NET1: variants seen among roughly 807,000 people sequenced by gnomAD.
The protein encoded by NET1 is neuroepithelial cell-transforming gene 1 protein.
NET1 carries 42 observed loss-of-function variants against 61.1 expected under a neutral mutation model. The observed-to-expected ratio is 0.69, with a 90% CI of 0.54 to 0.89. The LOEUF (loss-of-function observed/expected upper bound fraction) is 0.89, where lower values mean the gene tolerates loss of function less well. NET1 is among the 40% of genes least tolerant of loss of function. The probability of loss-of-function intolerance (pLI) is 0.00; values close to 1 mark genes in which losing one functional copy is unlikely to be tolerated. For synonymous variants in NET1, 254 were observed against 281.8 expected, an observed-to-expected ratio of 0.90 and a Z score of 0.99; for missense variants, 654 against 747.3, an observed-to-expected ratio of 0.88 and a Z score of 1.46.
rs117239363 is a variant in NET1 at position 5,440,879 on chromosome 10, G to A, written c.256-10951G>A. The stretch of plus-strand genomic sequence containing the variant: ...TTATCACCATTTTACTAGTGAGTGA[G>A]TCTGTTTCAGAGTCCCATCCTGTGT... On this transcript the variant is annotated intron_variant, in intron 3 of 11. Coordinates refer to ENST00000355029, the MANE Select transcript of NET1 (RefSeq NM_001047160.3). The surrounding 1 kb of genome is among the most constrained non-coding windows in gnomAD (Gnocchi z 4.1). 6.5e-3 allele frequency among the ~76,000 whole-genome samples: 996 copies of A among 152,268 alleles called. 36 individuals carry two copies. The East Asian group carries it at 0.11, about 16-fold the overall frequency.
rs1002966998 is a variant in NET1 at position 5,417,191 on chromosome 10, G to A, written c.128+4371G>A. Among the ~76,000 whole-genome samples the A allele has an allele frequency of 6.6e-5, 10 of 152,090 alleles. No homozygotes were observed. Among genetic ancestry groups the A allele is most frequent in the East Asian group, 3.9e-4 (2 of 5,132 alleles). On this transcript the variant is annotated intron_variant, in intron 1 of 11. Transcript: ENST00000355029. The surrounding 1 kb of genome is among the most constrained non-coding windows in gnomAD (Gnocchi z 5.5). ...TGCCAGCGTGCTGGTGTACTCCCAC[G>A]TCGATGTGTTCCTCTTGACATCCAG...
intron 3 of NET1, among the ~76,000 whole-genome samples, chr10:5,434,928 A>G (rs2119187033): frequency 6.6e-6 from 1 of 152,046 alleles, no homozygotes; most frequent in South Asian, 2.1e-4. Flanking sequence ...TACAAAATTT[A>G]TTTGCATTGC....
rs1211328682 is a variant in NET1 at position 5,416,238 on chromosome 10, T to G, written c.128+3418T>G. Among the ~76,000 whole-genome samples, 1 of 152,208 alleles carries G rather than the reference T, an allele frequency of 6.6e-6. No homozygotes were observed. The highest frequency in any genetic ancestry group is 1.5e-5 in the Non-Finnish European group (1 of 68,038). On this transcript the variant is annotated intron_variant, in intron 1 of 11. Transcript: ENST00000355029. The surrounding 1 kb of genome is among the most constrained non-coding windows in gnomAD (Gnocchi z 6.1). ...TTTATTTTTAGACTTTGACTTTTAT[T>G]CTCTTGATCTATATGTAATAGCCCT...
Position 5,454,549 on chromosome 10 carries a change from T to C in NET1, c.1026+27T>C, listed in dbSNP as rs1204271245. 1 of 1,594,264 alleles carries C rather than the reference T, an allele frequency of 6.3e-7. No individual in the cohort carries two copies. The highest frequency in any genetic ancestry group is 1.4e-5 in the African/African-American group (1 of 73,514). The stretch of plus-strand genomic sequence containing the variant: ...TAAGTAGTCCCTTAAGTGATTGTTT[T>C]GTTTTTTAAGTTTATACATTAGGCT... On this transcript the variant is annotated intron_variant, in intron 9 of 11. Coordinates refer to ENST00000355029, the MANE Select transcript of NET1 (RefSeq NM_001047160.3). This position sits in a 1 kb window ranked among gnomAD's most constrained non-coding sequence, Gnocchi z 8.1.
chr10:5,438,633 C>T (rs1333675408), intron 3 of NET1, among the ~76,000 whole-genome samples: 2 of 152,162 alleles, frequency 1.3e-5, no homozygotes, highest in African/African-American at 2.4e-5. Flanking sequence ...AATAAGATGG[C>T]TTTACTGGTA....
At position 5,451,868 on chromosome 10, in the gene NET1, C is replaced by G; in HGVS notation, c.294C>G (p.Val98=). ...AAAGAGTTCGACCTCTGGCTCGTGTCACGTCCTTGGCAAATTTAATCTCTC... is the reference window on the plus strand; with the variant it reads ...AAAGAGTTCGACCTCTGGCTCGTGTGACGTCCTTGGCAAATTTAATCTCTC... ...SNKRVRPLAR[V]TSLANLISPV... Residue 98 remains valine (V), a synonymous_variant, in exon 4 of 12, where the codon GTC becomes GTG. Transcript: ENST00000355029. This position sits in a 1 kb window ranked among gnomAD's most constrained non-coding sequence, Gnocchi z 6.1. 1 of 1,613,980 alleles carries G rather than the reference C, an allele frequency of 6.2e-7. No individual in the cohort carries two copies. The highest frequency in any genetic ancestry group is 8.5e-7 in the Non-Finnish European group (1 of 1,179,928).
intron 3 of NET1, among the ~76,000 whole-genome samples, 181 bp downstream of exon 3, chr10:5,429,410 T>G (rs1375598006): frequency 2.0e-5 from 3 of 152,212 alleles, no homozygotes; most frequent in African/African-American, 7.2e-5. Flanking sequence ...CTATTCTACT[T>G]CTTTGTTAAG....
At position 5,454,097 on chromosome 10, in the gene NET1, T is replaced by TCA. The variant is rs1832755822; in HGVS notation, c.769-168_769-167insCA. Among the ~76,000 whole-genome samples the TCA allele has an allele frequency of 6.6e-6, 1 of 152,216 alleles. No homozygotes were observed. Among genetic ancestry groups the TCA allele is most frequent in the Non-Finnish European group, 1.5e-5 (1 of 68,028 alleles). On this transcript the variant is annotated intron_variant, in intron 8 of 11. Coordinates refer to ENST00000355029, the MANE Select transcript of NET1 (RefSeq NM_001047160.3). This position sits in a 1 kb window ranked among gnomAD's most constrained non-coding sequence, Gnocchi z 8.1. ...TATGAAAATTTGAAGAGCATTTTGA[T>TCA]GATTGCTAAAATGCTATTCAGCTTC...
chr10:5,440,396 A>G lies in NET1; in HGVS notation c.255+11167A>G, dbSNP rs1832506621. On this transcript the variant is annotated intron_variant, in intron 3 of 11. Coordinates refer to ENST00000355029, the MANE Select transcript of NET1 (RefSeq NM_001047160.3). This position sits in a 1 kb window ranked among gnomAD's most constrained non-coding sequence, Gnocchi z 4.1. ...AGATGATTTGTTGGTCTGCTCCAGT[A>G]GACTCTACATCTTGCACAACAGTTG... 6.6e-6 allele frequency among the ~76,000 whole-genome samples: 1 copy of G among 152,256 alleles called. No homozygotes were observed. The highest frequency in any genetic ancestry group is 2.4e-5 in the African/African-American group (1 of 41,466).
In NET1 at chr10:5,456,161, C is replaced by T. The variant is rs781446193; in HGVS notation, c.1272C>T (p.Tyr424=). ...RPVTRNERHS[Y]QVYRQPIPVQ... ...TCACACGGAACGAACGGCACTCTTA[C>T]CAGGTTTACCGGCAGCCAATCCCAG... Residue 424 remains tyrosine, a synonymous_variant, in exon 11 of 12, where the codon TAC becomes TAT. Coordinates refer to ENST00000355029, the MANE Select transcript of NET1 (RefSeq NM_001047160.3). The surrounding 1 kb of genome is among the most constrained non-coding windows in gnomAD (Gnocchi z 7.0). The T allele has an allele frequency of 2.5e-6, 4 of 1,614,186 alleles. No individual in the cohort carries two copies. Among genetic ancestry groups the T allele is most frequent in the East Asian group, 4.5e-5 (2 of 44,882 alleles).
At position 5,452,106 on chromosome 10, in the gene NET1, T is replaced by A. The variant is rs1217512133; in HGVS notation, c.363+169T>A. 6.6e-6 allele frequency among the ~76,000 whole-genome samples: 1 copy of A among 152,194 alleles called. No homozygotes were observed. Among genetic ancestry groups the A allele is most frequent in the Non-Finnish European group, 1.5e-5 (1 of 68,038 alleles). On this transcript the variant is annotated intron_variant, in intron 4 of 11. Coordinates refer to ENST00000355029, the MANE Select transcript of NET1 (RefSeq NM_001047160.3). This position sits in a 1 kb window ranked among gnomAD's most constrained non-coding sequence, Gnocchi z 4.0. ...TGTTCCAGAACAATGTGTAGCCTCA[T>A]TATATTAATTTGCATCTTATATTAA...
chr10:5,418,167 A>G (rs1832112000), intron 1 of NET1, among the ~76,000 whole-genome samples: 1 of 152,144 alleles, frequency 6.6e-6, no homozygotes, highest in African/African-American at 2.4e-5. Context: ...CTGGCCTCAT[A>G]AAATCAGTTA....
rs1832353399 is a variant in NET1 at position 5,431,722 on chromosome 10, T to C, written c.255+2493T>C. Among the ~76,000 whole-genome samples, 2 of 152,216 alleles carry C rather than the reference T, an allele frequency of 1.3e-5. No individual in the cohort carries two copies. Among genetic ancestry groups the C allele is most frequent in the African/African-American group, 2.4e-5 (1 of 41,454 alleles). On this transcript the variant is annotated intron_variant, in intron 3 of 11. Transcript: ENST00000355029. The surrounding 1 kb of genome is among the most constrained non-coding windows in gnomAD (Gnocchi z 4.9). ...TGATTTTTTTTTCTCCTTAGTATTA[T>C]GAACTCATGCATATAAATACTTGTT... is the stretch of plus-strand genomic sequence containing the variant.
At chr10:5,414,193 G>A (rs1306871951) in intron 1 of NET1, among the ~76,000 whole-genome samples, 1 of 152,136 alleles carries the variant, frequency 6.6e-6, no homozygotes, top group Non-Finnish European at 1.5e-5. Context: ...ATGGGGAGAA[G>A]GAGGAGGTAG....
Position 5,456,018 on chromosome 10 carries a change from T to C in NET1, c.1198-69T>C. The C allele has an allele frequency of 7.3e-7, 1 of 1,375,674 alleles. No individual in the cohort carries two copies. Among genetic ancestry groups the C allele is most frequent in the African/African-American group, 1.5e-5 (1 of 68,956 alleles). 85.2% of individuals were successfully genotyped at this position (1,375,674 alleles called of 1,614,324 possible). On this transcript the variant is annotated intron_variant, in intron 10 of 11. Coordinates refer to ENST00000355029, the MANE Select transcript of NET1 (RefSeq NM_001047160.3). This position sits in a 1 kb window ranked among gnomAD's most constrained non-coding sequence, Gnocchi z 7.0. ...GATGAAATTAATAATGTCGAGTTATTTTAGCAATATATTTCAGTCACTTAA... is the reference window on the plus strand; with the variant it reads ...GATGAAATTAATAATGTCGAGTTATCTTAGCAATATATTTCAGTCACTTAA...
rs1178616087 is a variant in NET1 at position 5,443,705 on chromosome 10, T to C, written c.256-8125T>C. Among the ~76,000 whole-genome samples the C allele has an allele frequency of 6.6e-6, 1 of 152,194 alleles. No individual in the cohort carries two copies. Among genetic ancestry groups the C allele is most frequent in the Non-Finnish European group, 1.5e-5 (1 of 68,036 alleles). On this transcript the variant is annotated intron_variant, in intron 3 of 11. Coordinates refer to ENST00000355029, the MANE Select transcript of NET1 (RefSeq NM_001047160.3). This position sits in a 1 kb window ranked among gnomAD's most constrained non-coding sequence, Gnocchi z 4.8. ...GAGCTGGGGCTTTTGTGAACATGGC[T>C]GTCATCAGTATACCCTATTTGTTTT... is the stretch of plus-strand genomic sequence containing the variant.
In NET1 at chr10:5,415,227, C is replaced by T. The variant is rs57498307; in HGVS notation, c.128+2407C>T. 6.5e-3 allele frequency among the ~76,000 whole-genome samples: 986 copies of T among 152,258 alleles called. 37 individuals carry two copies. The East Asian group carries it at 0.11, about 16-fold the overall frequency. On this transcript the variant is annotated intron_variant, in intron 1 of 11. Coordinates refer to ENST00000355029, the MANE Select transcript of NET1 (RefSeq NM_001047160.3). This position sits in a 1 kb window ranked among gnomAD's most constrained non-coding sequence, Gnocchi z 4.7. ...TATAAACTAATTTGAAAGACAAATA[C>T]GTACAGTACAATTTACCCACTTAAA...
intron 3 of NET1, among the ~76,000 whole-genome samples, chr10:5,436,327 C>T (rs1274313381): frequency 5.8e-4 from 79 of 135,138 alleles, no homozygotes; most frequent in African/African-American, 2.2e-3. Context: ...GGCTCAATCT[C>T]GGTTCACTGC....
rs1024689737 is a variant in NET1 at position 5,451,526 on chromosome 10, T to A, written c.256-304T>A. Among the ~76,000 whole-genome samples, 1 of 149,662 alleles carries A rather than the reference T, an allele frequency of 6.7e-6. No homozygotes were observed. The highest frequency in any genetic ancestry group is 1.5e-5 in the Non-Finnish European group (1 of 67,174). ...GGCTTTTTTTTAAAAAAAAAAAAAGTTATTCCCTGCATTAAACTGAAAAGT... is the reference window on the plus strand; with the variant it reads ...GGCTTTTTTTTAAAAAAAAAAAAAGATATTCCCTGCATTAAACTGAAAAGT... On this transcript the variant is annotated intron_variant, in intron 3 of 11. Transcript: ENST00000355029. The surrounding 1 kb of genome is among the most constrained non-coding windows in gnomAD (Gnocchi z 6.1).
Sources: allele counts gnomAD v4.1 joint callset (sites outside exome capture counted in the v4.1 genomes callset), GRCh38; gene constraint gnomAD v4.1.1; non-coding constraint Gnocchi (gnomAD v3.1); transcripts MANE v1.5; gene names NCBI Gene and HGNC (gene_info 2026-07-23, HGNC 2026-07-21).